The following STXBP4 variants were observed in gnomAD, a reference collection of about 807,000 sequenced individuals.
STXBP4 encodes the protein syntaxin-binding protein 4.
In STXBP4, 55 loss-of-function variants were observed where a neutral mutation model predicts 76.1. The observed-to-expected ratio is 0.72, with a 90% CI of 0.58 to 0.91. STXBP4 has a LOEUF of 0.91. Among genes scored for constraint, STXBP4 ranks in the 40% least tolerant of loss-of-function variants. STXBP4 has a pLI of 0.00. For synonymous variants in STXBP4, 201 were observed against 220.2 expected (o/e 0.91, Z 0.77); for missense variants, 618 against 636.9 (o/e 0.97, Z 0.32).
At chr17:55,071,936 AGT>A (rs142851457) in intron 12 of STXBP4, among the ~76,000 whole-genome samples, 6,927 of 152,260 alleles carry the variant, frequency 0.045, 245 homozygotes, top group East Asian at 0.2. Context: ...CAGTATAAGA[AGT>A]GCCATATTAA....
At chr17:55,092,597 A>G (rs2079429598) in intron 16 of STXBP4, among the ~76,000 whole-genome samples, 1 of 152,208 alleles carries the variant, frequency 6.6e-6, no homozygotes, top group African/African-American at 2.4e-5. Context: ...GATTGCATGT[A>G]TTTGTCTGTG....
intron 7 of STXBP4, among the ~76,000 whole-genome samples, chr17:55,006,799 G>GT (rs956940758): frequency 6.6e-6 from 1 of 152,110 alleles, no homozygotes; most frequent in Non-Finnish European, 1.5e-5. Flanking sequence ...TGCATTTATG[G>GT]TTTTTTCCAG....
At chr17:54,990,981 C>T (rs1175959588) in intron 4 of STXBP4, 24 bp downstream of exon 4, 2 of 1,489,476 alleles carry the variant, frequency 1.3e-6, no homozygotes, top group Non-Finnish European at 1.8e-6. Flanking sequence ...CCATGCCCAC[C>T]AAAAATACAA....
chr17:55,069,255 T>G (rs575650181), intron 12 of STXBP4, among the ~76,000 whole-genome samples: 14 of 152,230 alleles, frequency 9.2e-5, no homozygotes, highest in Admixed American at 2.0e-4. Context: ...AGCATAATGC[T>G]TATGTGGATT....
chr17:55,196,453 C>T, the STXBP4 span, among the ~76,000 whole-genome samples: 1 of 152,188 alleles, frequency 6.6e-6, no homozygotes, highest in Non-Finnish European at 1.5e-5. Flanking sequence ...TCTATTCAAC[C>T]CTACACTGTA....
intron 1 of STXBP4, among the ~76,000 whole-genome samples, chr17:54,982,102 G>A (rs1241814206): frequency 6.6e-6 from 1 of 152,126 alleles, no homozygotes; most frequent in Admixed American, 6.5e-5. Flanking sequence ...TTGGCAATTT[G>A]TATCAATTTC....
chr17:55,045,640 C>G (rs1477201296), intron 11 of STXBP4, among the ~76,000 whole-genome samples: 1 of 152,032 alleles, frequency 6.6e-6, no homozygotes, highest in Non-Finnish European at 1.5e-5. Flanking sequence ...CTTTAAAGTT[C>G]ATGAAATGTA....
chr17:55,123,450 GCTT>G (rs1457961243), intron 16 of STXBP4, among the ~76,000 whole-genome samples: 1 of 152,072 alleles, frequency 6.6e-6, no homozygotes, highest in Non-Finnish European at 1.5e-5. Flanking sequence ...ATATTTCCTA[GCTT>G]CTTGTTATAT....
At chr17:55,063,562 G>A (rs2079017881) in intron 12 of STXBP4, among the ~76,000 whole-genome samples, 1 of 152,180 alleles carries the variant, frequency 6.6e-6, no homozygotes, top group Non-Finnish European at 1.5e-5. Context: ...TTATAAGGGA[G>A]ACCTGGTAAG....
intron 8 of STXBP4, among the ~76,000 whole-genome samples, chr17:55,015,079 TC>T (rs2144590899): frequency 6.6e-6 from 1 of 152,298 alleles, no homozygotes; most frequent in South Asian, 2.1e-4. Context: ...GATAAACTTA[TC>T]CTTTAAGATT....
chr17:54,989,394 C>T (rs1432767887), intron 3 of STXBP4, among the ~76,000 whole-genome samples: 6 of 152,186 alleles, frequency 3.9e-5, no homozygotes, highest in Admixed American at 2.6e-4. Context: ...CATGCCCAGC[C>T]AGAAGTATTT....
intron 12 of STXBP4, among the ~76,000 whole-genome samples, 161 bp from the exon 13 acceptor site, chr17:55,072,739 A>G (rs560923449): frequency 6.6e-6 from 1 of 152,332 alleles, no homozygotes; most frequent in South Asian, 2.1e-4. Context: ...TACCTCACAT[A>G]ATAAAATAAC....
At chr17:55,146,567 A>G (rs761367445) in intron 17 of STXBP4, among the ~76,000 whole-genome samples, 1 of 152,044 alleles carries the variant, frequency 6.6e-6, no homozygotes, top group African/African-American at 2.4e-5. Context: ...ACAAAAAAAC[A>G]TTAGCCAGGC....
At chr17:55,047,566 T>A (rs1238196487) in intron 12 of STXBP4, among the ~76,000 whole-genome samples, 5 of 151,894 alleles carry the variant, frequency 3.3e-5, no homozygotes, top group Non-Finnish European at 2.9e-5. Context: ...TACATTTATT[T>A]GTTAATAATA....
intron 16 of STXBP4, among the ~76,000 whole-genome samples, chr17:55,116,424 T>C (rs981936597): frequency 5.9e-5 from 9 of 151,856 alleles, no homozygotes; most frequent in Non-Finnish European, 1.2e-4. Flanking sequence ...TGACTTGCCA[T>C]GTGACATGCC....
intron 16 of STXBP4, among the ~76,000 whole-genome samples, chr17:55,085,902 AGAAATTCT>A (rs754354489): frequency 1.3e-5 from 2 of 152,182 alleles, no homozygotes; most frequent in Admixed American, 1.3e-4. Context: ...AATTATGTGA[AGAAATTCT>A]GTGGGTTTTA....
At chr17:55,152,400 G>A (rs2080226380) in intron 17 of STXBP4, among the ~76,000 whole-genome samples, 1 of 152,116 alleles carries the variant, frequency 6.6e-6, no homozygotes, top group Non-Finnish European at 1.5e-5. Flanking sequence ...TTTTATTCAT[G>A]GTCATCCAGA....
At chr17:55,005,364 T>C (rs2077988739) in intron 7 of STXBP4, among the ~76,000 whole-genome samples, 1 of 152,208 alleles carries the variant, frequency 6.6e-6, no homozygotes, top group Admixed American at 6.5e-5. Context: ...TTTCTTTACC[T>C]TTTCCTGCCT....
intron 12 of STXBP4, among the ~76,000 whole-genome samples, chr17:55,069,220 T>C (rs975794989): frequency 3.3e-5 from 5 of 152,132 alleles, no homozygotes; most frequent in Non-Finnish European, 7.4e-5. Flanking sequence ...TCTAGTATGT[T>C]TGCTCACACT....
Sources: allele counts gnomAD v4.1 joint callset (sites outside exome capture counted in the v4.1 genomes callset), GRCh38; gene constraint gnomAD v4.1.1; transcripts MANE v1.5; gene names NCBI Gene and HGNC (gene_info 2026-07-23, HGNC 2026-07-21).